Variants in ARFGEF3 observed in about 807,000 individuals in gnomAD.
ARFGEF3 encodes brefeldin A-inhibited guanine nucleotide-exchange protein 3.
A neutral mutation model predicts 221.7 loss-of-function variants in ARFGEF3; 96 were observed. That is an observed-to-expected ratio of 0.43 (90% CI 0.37 to 0.51). ARFGEF3 has a LOEUF of 0.51. Among genes scored for constraint, ARFGEF3 ranks in the 20% least tolerant of loss-of-function variants. The pLI, the probability that ARFGEF3 is intolerant of heterozygous loss-of-function variation, is 0.00. For synonymous variants in ARFGEF3, 1,145 were observed against 1,126.8 expected (o/e 1.02, Z -0.32); for missense variants, 2,410 against 2,789.9 (o/e 0.86, Z 3.07).
intron 4 of ARFGEF3, chr6:138,217,624 T>C (rs2114512002): frequency 5.3e-6 from 1 of 188,100 alleles, no homozygotes; most frequent in South Asian, 1.4e-4. Context: ...CTATAAGTAT[T>C]GTTTTTATCC....
chr6:138,202,935 G>A (rs1777563506), intron 2 of ARFGEF3, among the ~76,000 whole-genome samples: 1 of 151,580 alleles, frequency 6.6e-6, no homozygotes. Context: ...GCTACCCAGG[G>A]CTCAGTGTAG....
At chr6:138,251,198 A>G (rs1350556882) in intron 8 of ARFGEF3, among the ~76,000 whole-genome samples, 2 of 152,216 alleles carry the variant, frequency 1.3e-5, no homozygotes, top group African/African-American at 4.8e-5. Context: ...CACTTTGCCA[A>G]TAGCTTGATG....
Position 138,210,126 on chromosome 6 carries a change from GC to G in ARFGEF3, c.351+86del, listed in dbSNP as rs1777698166. The G allele has an allele frequency of 1.2e-5, 17 of 1,394,820 alleles. No homozygotes were observed. In the East Asian group the frequency reaches 4.0e-4, roughly 33 times the overall value. 86.4% of individuals were successfully genotyped at this position (1,394,820 alleles called of 1,614,324 possible). ...GCACTTGTTATCTGAAAATGCCTCT[GC>G]GTTGTGGTCATGCTAGCTCATCTTC... is the stretch of plus-strand genomic sequence containing the variant. On this transcript the variant is annotated intron_variant, in intron 4 of 33. Coordinates refer to ENST00000251691, the MANE Select transcript of ARFGEF3 (RefSeq NM_020340.5).
chr6:138,323,480 G>T (rs547004247), intron 29 of ARFGEF3, among the ~76,000 whole-genome samples, 191 bp from the exon 30 acceptor site: 2 of 152,074 alleles, frequency 1.3e-5, no homozygotes, highest in Admixed American at 1.3e-4. Context: ...GCATGGAGGC[G>T]CATGCCTGTA....
chr6:138,310,873 C>G (rs1430135937), intron 24 of ARFGEF3, among the ~76,000 whole-genome samples: 2 of 152,238 alleles, frequency 1.3e-5, no homozygotes, highest in Admixed American at 6.5e-5. Context: ...GATGTTTAGA[C>G]TCTTCCCAGA....
chr6:138,269,475 G>A (rs1381094306), intron 12 of ARFGEF3, among the ~76,000 whole-genome samples: 1 of 152,170 alleles, frequency 6.6e-6, no homozygotes, highest in Non-Finnish European at 1.5e-5. Flanking sequence ...ATGTTATGCT[G>A]CCTCTGTCAG....
intron 4 of ARFGEF3, among the ~76,000 whole-genome samples, chr6:138,229,466 A>G (rs1484827816): frequency 6.6e-6 from 1 of 152,216 alleles, no homozygotes; most frequent in African/African-American, 2.4e-5. Context: ...GACTGCTACT[A>G]AACAACTCTT....
intron 5 of ARFGEF3, among the ~76,000 whole-genome samples, chr6:138,233,228 G>A (rs924372368): frequency 6.6e-6 from 1 of 152,100 alleles, no homozygotes; most frequent in African/African-American, 2.4e-5. Flanking sequence ...TGGGAGGTTT[G>A]TAATAGTTTC....
At chr6:138,317,490 A>G in intron 27 of ARFGEF3, 111 bp downstream of exon 27, 1 of 1,317,554 alleles carries the variant, frequency 7.6e-7, no homozygotes, top group South Asian at 1.3e-5. Flanking sequence ...GACTTAGTAC[A>G]AAGCTCACAC....
In ARFGEF3 at chr6:138,317,355, T is replaced by C. The variant is rs1779944576; in HGVS notation, c.4450T>C (p.Leu1484=). The C allele has an allele frequency of 2.5e-6, 4 of 1,613,948 alleles. No individual in the cohort carries two copies. The highest frequency in any genetic ancestry group is 3.4e-6 in the Non-Finnish European group (4 of 1,179,886). The change falls in exon 27 of 34, where the codon TTG becomes CTG. Residue 1484 remains leucine, a synonymous_variant. Transcript: ENST00000251691. Reference sequence around the variant, plus strand: ...AACTCTGGATTTACTCTTTGAGCTGTTGAGAGATGTGACGAAAACACCAGG... The same window carrying C: ...AACTCTGGATTTACTCTTTGAGCTGCTGAGAGATGTGACGAAAACACCAGG... ...PPTLDLLFEL[L]RDVTKTPGPG...
chr6:138,208,649 T>C (rs1340053741), intron 3 of ARFGEF3, among the ~76,000 whole-genome samples: 2 of 152,330 alleles, frequency 1.3e-5, no homozygotes, highest in East Asian at 1.9e-4. Flanking sequence ...AATAGCTTAA[T>C]TGCAGTCCTT....
chr6:138,266,261 G>A (rs1211632227), intron 12 of ARFGEF3, among the ~76,000 whole-genome samples: 1 of 151,314 alleles, frequency 6.6e-6, no homozygotes, highest in African/African-American at 2.4e-5. Context: ...AGAAAGAGAA[G>A]AAAGGAAAGG....
At chr6:138,315,201 G>A (rs1203075448) in intron 26 of ARFGEF3, among the ~76,000 whole-genome samples, 1 of 152,206 alleles carries the variant, frequency 6.6e-6, no homozygotes, top group East Asian at 1.9e-4. Context: ...GACTCTATTT[G>A]TGACTGTTGA....
chr6:138,307,199 T>G, intron 22 of ARFGEF3, 54 bp from the exon 23 acceptor site: 1 of 1,581,584 alleles, frequency 6.3e-7, no homozygotes, highest in Non-Finnish European at 8.7e-7. Flanking sequence ...TTCCCAGAAA[T>G]TCTGCTCCTT....
Position 138,243,121 on chromosome 6 carries a change from G to C in ARFGEF3, c.586+127G>C, listed in dbSNP as rs73567054. 7.9e-3 allele frequency: 6,197 copies of C among 781,544 alleles called. 298 individuals carry two copies. The African/African-American group carries it at 0.097, about 12-fold the overall frequency. 48.4% of individuals were successfully genotyped at this position (781,544 alleles called of 1,614,324 possible). On this transcript the variant is annotated intron_variant, in intron 7 of 33. Transcript: ENST00000251691. ...TTGTTTTACCATTCTCTTGGAGGTT[G>C]TGCTTGGCTTTGCCTTAGGTGGCAT... is the stretch of plus-strand genomic sequence containing the variant.
rs142195581 is a variant in ARFGEF3, at chr6:138,204,293, G to A, written c.138-2749G>A. On this transcript the variant is annotated intron_variant, in intron 2 of 33. Transcript: ENST00000251691. ...GCAAAGATTGCAGTGAGCCGAGATC[G>A]CGCCATTGCACTCCAGCCTGGGCAA... Among the ~76,000 whole-genome samples, 22 of 141,976 alleles carry A rather than the reference G, an allele frequency of 1.5e-4. No homozygotes were observed. The East Asian group carries it at 3.6e-3, about 23-fold the overall frequency. The allele number at this position is 141,976 out of a possible 152,430, so 93.1% of individuals were successfully genotyped here.
At chr6:138,200,696 AC>A in intron 2 of ARFGEF3, among the ~76,000 whole-genome samples, 1 of 152,222 alleles carries the variant, frequency 6.6e-6, no homozygotes, top group African/African-American at 2.4e-5. Context: ...AAGGACTTAA[AC>A]CTAAGACCTG....
At chr6:138,211,004 C>G (rs1777717471) in intron 4 of ARFGEF3, among the ~76,000 whole-genome samples, 1 of 152,168 alleles carries the variant, frequency 6.6e-6, no homozygotes, top group African/African-American at 2.4e-5. Flanking sequence ...CTGAAGCCAG[C>G]CTGTCTGGGT....
chr6:138,244,496 C>T (rs1006835387), intron 7 of ARFGEF3, among the ~76,000 whole-genome samples: 1 of 152,220 alleles, frequency 6.6e-6, no homozygotes, highest in Non-Finnish European at 1.5e-5. Flanking sequence ...TTTGCCCAAG[C>T]TCACACAATC....
Sources: allele counts gnomAD v4.1 joint callset (sites outside exome capture counted in the v4.1 genomes callset), GRCh38; gene constraint gnomAD v4.1.1; transcripts MANE v1.5; gene names NCBI Gene and HGNC (gene_info 2026-07-23, HGNC 2026-07-21).